Variants in ITFG2 observed in about 807,000 individuals in gnomAD.
ITFG2 encodes integrin alpha FG-GAP repeat containing 2, also known as KICSTOR complex protein ITFG2.
In ITFG2, 36 loss-of-function variants were observed where a neutral mutation model predicts 54.4. The ratio of observed to expected loss-of-function variants is 0.66; its 90% CI spans 0.51 to 0.87. ITFG2 has a LOEUF of 0.87. Among genes scored for constraint, ITFG2 ranks in the 40% least tolerant of loss-of-function variants. The pLI, the probability that ITFG2 is intolerant of heterozygous loss-of-function variation, is 0.00. For missense variants in ITFG2, 524 were observed against 576.7 expected, an observed-to-expected ratio of 0.91 and a Z score of 0.94; for synonymous variants, 211 against 225.4, an observed-to-expected ratio of 0.94 and a Z score of 0.57.
At chr12:2,817,656 T>C (rs554470378) in intron 2 of ITFG2, 12 of 524,204 alleles carry the variant, frequency 2.3e-5, no homozygotes, top group East Asian at 8.9e-5. Flanking sequence ...CCTAGCTCTA[T>C]TAAATACAGA....
intron 3 of ITFG2, chr12:2,859,152 T>C (rs763421291): frequency 1.2e-6 from 2 of 1,606,742 alleles, no homozygotes; most frequent in South Asian, 1.1e-5. Flanking sequence ...TCCTCCCACT[T>C]CCTGGGAGTA....
intron 2 of ITFG2, among the ~76,000 whole-genome samples, chr12:2,843,516 A>G (rs928841365): frequency 6.6e-6 from 1 of 152,248 alleles, no homozygotes; most frequent in African/African-American, 2.4e-5. Context: ...GGCCTGATCA[A>G]GAGTTCCAAC....
At chr12:2,817,409 A>G (rs922943261) in intron 2 of ITFG2, 91 bp downstream of exon 2, 4 of 842,970 alleles carry the variant, frequency 4.7e-6, no homozygotes, top group African/African-American at 1.7e-5. Context: ...GTGCTCACCC[A>G]TGTGTCCTGA....
chr12:2,852,236 T>C (rs1480894542), intron 2 of ITFG2, among the ~76,000 whole-genome samples: 5 of 152,210 alleles, frequency 3.3e-5, no homozygotes, highest in African/African-American at 1.2e-4. Context: ...GCAGTAAACA[T>C]GTGAGACAAG....
At chr12:2,826,888 C>G (rs544408695), downstream of ITFG2, 34 of 879,260 alleles carry the variant, frequency 3.9e-5, no homozygotes, top group East Asian at 1.6e-3. Flanking sequence ...GCCTTCGACC[C>G]AGCCCAAGCA....
At chr12:2,843,776 G>A (rs1413784744) in intron 2 of ITFG2, among the ~76,000 whole-genome samples, 3,256 of 134,288 alleles carry the variant, frequency 0.024, 54 homozygotes, top group East Asian at 0.097. Context: ...TCGTGCCACT[G>A]CACTCCAGCC....
intron 6 of ITFG2, 98 bp downstream of exon 6, chr12:2,820,970 A>C (rs1394113444): frequency 4.6e-5 from 60 of 1,314,398 alleles, no homozygotes; most frequent in Non-Finnish European, 6.1e-5. Context: ...CAGTTGGCAG[A>C]GCTGCCTCAT....
At chr12:2,851,783 A>G (rs913005776) in intron 2 of ITFG2, among the ~76,000 whole-genome samples, 1 of 151,934 alleles carries the variant, frequency 6.6e-6, no homozygotes, top group African/African-American at 2.4e-5. Flanking sequence ...GGTTCAAGTG[A>G]TTCTCCTGCC....
chr12:2,813,997 G>T (rs1249231003), intron 1 of ITFG2, among the ~76,000 whole-genome samples: 1 of 152,196 alleles, frequency 6.6e-6, no homozygotes, highest in African/African-American at 2.4e-5. Context: ...AGGCTGGAGT[G>T]CAGTGGTGCA....
At chr12:2,843,419 T>C (rs1188586540) in intron 2 of ITFG2, among the ~76,000 whole-genome samples, 5 of 152,228 alleles carry the variant, frequency 3.3e-5, no homozygotes, top group Admixed American at 3.3e-4. Context: ...TCCTGTTTCA[T>C]GGATGGCAAA....
upstream of ITFG2, among the ~76,000 whole-genome samples, chr12:2,832,384 C>T (rs949369131): frequency 2.0e-5 from 3 of 151,984 alleles, no homozygotes; most frequent in African/African-American, 7.2e-5. Flanking sequence ...TCATACCAGG[C>T]CGCTTTTTGC....
downstream of ITFG2, among the ~76,000 whole-genome samples, chr12:2,831,574 ACT>A (rs936290148): frequency 1.2e-4 from 18 of 150,396 alleles, no homozygotes; most frequent in African/African-American, 3.7e-4. Flanking sequence ...ACAGAGCAAG[ACT>A]CTGTCTCAAA....
chr12:2,848,667 C>T (rs1458299462), intron 2 of ITFG2, among the ~76,000 whole-genome samples: 5 of 152,158 alleles, frequency 3.3e-5, no homozygotes, highest in Non-Finnish European at 7.3e-5. Flanking sequence ...CTGCATGGGG[C>T]CCTGCAACCA....
chr12:2,849,675 C>A, intron 2 of ITFG2: 2 of 871,130 alleles, frequency 2.3e-6, no homozygotes, highest in Non-Finnish European at 3.5e-6. Context: ...TCCACCTAAT[C>A]GGATATTGAC....
At chr12:2,847,881 C>G (rs1233685049) in intron 2 of ITFG2, among the ~76,000 whole-genome samples, 1 of 152,210 alleles carries the variant, frequency 6.6e-6, no homozygotes, top group Non-Finnish European at 1.5e-5. Flanking sequence ...TAGCATCTAT[C>G]AATACTCAAT....
chr12:2,822,151 G>A (rs2097947552), intron 9 of ITFG2, among the ~76,000 whole-genome samples: 1 of 151,924 alleles, frequency 6.6e-6, no homozygotes, highest in Admixed American at 6.6e-5. Flanking sequence ...CAAACTCCTG[G>A]GCTCAAGCAA....
intron 2 of ITFG2, among the ~76,000 whole-genome samples, chr12:2,853,583 G>T (rs71458022): frequency 0.13 from 19,059 of 150,704 alleles, 1,969 homozygotes; most frequent in African/African-American, 0.27. Flanking sequence ...TGTTTTTTTT[G>T]TTGTTGTTGT....
At chr12:2,858,291 T>C (rs2098095508) in exon 3 of ITFG2, 2 of 217,442 alleles carry the variant, frequency 9.2e-6, no homozygotes, top group East Asian at 9.9e-5. Flanking sequence ...TTTGGAGAAT[T>C]TATACTATTT....
chr12:2,820,304 C>A, intron 5 of ITFG2, 79 bp downstream of exon 5: 4 of 1,465,054 alleles, frequency 2.7e-6, no homozygotes, highest in South Asian at 1.4e-5. Flanking sequence ...GGAGAGCAGT[C>A]ATGGGACAGG....
Sources: allele counts gnomAD v4.1 joint callset (sites outside exome capture counted in the v4.1 genomes callset), GRCh38; gene constraint gnomAD v4.1.1; transcripts MANE v1.5; gene names NCBI Gene and HGNC (gene_info 2026-07-23, HGNC 2026-07-21).